PRKCA: variants seen among roughly 807,000 people sequenced by gnomAD.
The protein encoded by PRKCA is protein kinase C alpha, also known as protein kinase C alpha type.
A neutral mutation model predicts 87.0 loss-of-function variants in PRKCA; 27 were observed. The ratio of observed to expected loss-of-function variants is 0.31; its 90% CI spans 0.23 to 0.43. PRKCA has a LOEUF of 0.43. PRKCA is among the 20% of genes least tolerant of loss of function. PRKCA has a pLI of 1.00. For synonymous variants in PRKCA, 329 were observed against 311.1 expected (o/e 1.06, Z -0.61); for missense variants, 518 against 852.3 (o/e 0.61, Z 4.88).
chr17:66,453,882 A>G (rs1346073794), intron 2 of PRKCA, among the ~76,000 whole-genome samples: 2 of 152,224 alleles, frequency 1.3e-5, no homozygotes, highest in African/African-American at 4.8e-5. Flanking sequence ...TTCAGATCCA[A>G]TAGCAGGAGC....
chr17:66,650,268 G>T (rs190425466), intron 5 of PRKCA, among the ~76,000 whole-genome samples: 145 of 152,288 alleles, frequency 9.5e-4, no homozygotes, highest in African/African-American at 3.4e-3. Context: ...GCTTGGTGGG[G>T]TATTTATGGG....
chr17:66,672,843 T>C lies in PRKCA; in HGVS notation c.530-14268T>C, dbSNP rs150979583. Among the ~76,000 whole-genome samples the C allele has an allele frequency of 3.5e-4, 54 of 152,338 alleles. No homozygotes were observed. The East Asian group carries it at 0.01, about 29-fold the overall frequency. On this transcript the variant is annotated intron_variant, in intron 5 of 16. Coordinates refer to ENST00000413366, the MANE Select transcript of PRKCA (RefSeq NM_002737.3). ...TTTATTCCTAGTGTGATGTGAATTC[T>C]ATAAAAATAAATATTTCAATGTAGA...
At chr17:66,569,219 G>A (rs1968990770) in intron 3 of PRKCA, among the ~76,000 whole-genome samples, 1 of 152,142 alleles carries the variant, frequency 6.6e-6, no homozygotes, top group Non-Finnish European at 1.5e-5. Context: ...AAGGTAGACT[G>A]GTATTGGGGG....
At chr17:66,752,440 C>CA (rs1354120067) in intron 13 of PRKCA, among the ~76,000 whole-genome samples, 3 of 152,170 alleles carry the variant, frequency 2.0e-5, no homozygotes, top group South Asian at 4.2e-4. Context: ...ACTAAAAATA[C>CA]AAAAAATTAG....
intron 5 of PRKCA, among the ~76,000 whole-genome samples, chr17:66,648,226 C>T (rs998141013): frequency 2.0e-5 from 3 of 152,086 alleles, no homozygotes; most frequent in Non-Finnish European, 2.9e-5. Context: ...AAGGTTATCC[C>T]GAAAGGATTA....
chr17:66,751,820 C>T (rs370813986), intron 13 of PRKCA, among the ~76,000 whole-genome samples: 1 of 152,144 alleles, frequency 6.6e-6, no homozygotes, highest in African/African-American at 2.4e-5. Context: ...AACTTACAAT[C>T]ATGGCGGAAG....
At chr17:66,325,377 T>C (rs1287925641) in intron 2 of PRKCA, among the ~76,000 whole-genome samples, 1 of 152,222 alleles carries the variant, frequency 6.6e-6, no homozygotes, top group Non-Finnish European at 1.5e-5. Context: ...TGAAATTTGG[T>C]ATTTGAGTCA....
intron 3 of PRKCA, among the ~76,000 whole-genome samples, chr17:66,583,921 A>C (rs1969520025): frequency 6.6e-6 from 1 of 152,190 alleles, no homozygotes; most frequent in African/African-American, 2.4e-5. Context: ...GACTATTCTA[A>C]GACACTGGTA....
intron 3 of PRKCA, among the ~76,000 whole-genome samples, chr17:66,577,823 G>C (rs1969287446): frequency 6.6e-6 from 1 of 152,258 alleles, no homozygotes; most frequent in South Asian, 2.1e-4. Flanking sequence ...TGACACTGGA[G>C]TGAGGACGGG....
intron 5 of PRKCA, among the ~76,000 whole-genome samples, chr17:66,670,588 AT>A (rs1246621297): frequency 6.6e-6 from 1 of 152,160 alleles, no homozygotes; most frequent in Non-Finnish European, 1.5e-5. Context: ...TTGGCCGGGC[AT>A]TGTGGCTCAC....
At chr17:66,797,895 A>C (rs1031707079) in intron 16 of PRKCA, among the ~76,000 whole-genome samples, 1 of 152,210 alleles carries the variant, frequency 6.6e-6, no homozygotes, top group Non-Finnish European at 1.5e-5. Flanking sequence ...TGACCTTTGG[A>C]GGTGGAGACA....
At chr17:66,785,066 T>C (rs1297542936) in intron 14 of PRKCA, among the ~76,000 whole-genome samples, 1 of 152,192 alleles carries the variant, frequency 6.6e-6, no homozygotes. Flanking sequence ...CCTATTTATT[T>C]GTATTTCCAG....
chr17:66,514,656 C>T (rs1160255297), intron 3 of PRKCA, among the ~76,000 whole-genome samples: 2 of 152,040 alleles, frequency 1.3e-5, no homozygotes, highest in South Asian at 2.1e-4. Flanking sequence ...CTTTCATTCT[C>T]ATCTTTGTTA....
chr17:66,593,176 G>T (rs8079604), intron 3 of PRKCA, among the ~76,000 whole-genome samples: 50,727 of 151,904 alleles, frequency 0.33, 8,811 homozygotes, highest in Admixed American at 0.37. Flanking sequence ...CTAAGCTGCT[G>T]TAATAAAGAC....
intron 2 of PRKCA, among the ~76,000 whole-genome samples, chr17:66,321,988 G>T (rs1905698543): frequency 1.3e-5 from 2 of 152,134 alleles, no homozygotes. Flanking sequence ...TTACCCTTCT[G>T]AAATCTTTAG....
rs140199148 is a variant in PRKCA, at chr17:66,502,679, G to A, written c.288+6396G>A. ...CTGCAGCTTTCTTTTTTTTTGAGAC[G>A]AGTCTCGCTCTGTTGCCCAGGTTGG... is the stretch of plus-strand genomic sequence containing the variant. On this transcript the variant is annotated intron_variant, in intron 3 of 16. Coordinates refer to ENST00000413366, the MANE Select transcript of PRKCA (RefSeq NM_002737.3). 6.7e-3 allele frequency among the ~76,000 whole-genome samples: 1,012 copies of A among 150,908 alleles called. 13 individuals carry two copies. Among genetic ancestry groups the A allele is most frequent in the African/African-American group, 0.023 (958 of 41,044 alleles).
intron 5 of PRKCA, chr17:66,676,315 G>A (rs1362951626): frequency 6.6e-6 from 1 of 152,328 alleles, no homozygotes; most frequent in Non-Finnish European, 1.5e-5. Context: ...TTTCTATCTG[G>A]TCCAGCCCAT....
At chr17:66,380,942 T>C (rs1028423913) in intron 2 of PRKCA, among the ~76,000 whole-genome samples, 2 of 143,178 alleles carry the variant, frequency 1.4e-5, no homozygotes, top group Non-Finnish European at 3.1e-5. Context: ...TTTTTATTTT[T>C]CTTTTTTTTT....
At chr17:66,771,193 C>T (rs1036725113) in intron 13 of PRKCA, among the ~76,000 whole-genome samples, 4 of 151,880 alleles carry the variant, frequency 2.6e-5, no homozygotes, top group Non-Finnish European at 4.4e-5. Context: ...TTAGTAGAAA[C>T]GGGGTTTCAC....
Sources: allele counts gnomAD v4.1 joint callset (sites outside exome capture counted in the v4.1 genomes callset), GRCh38; gene constraint gnomAD v4.1.1; transcripts MANE v1.5; gene names NCBI Gene and HGNC (gene_info 2026-07-23, HGNC 2026-07-21).